GALNT17: variants seen among roughly 807,000 people sequenced by gnomAD.
The protein encoded by GALNT17 is polypeptide N-acetylgalactosaminyltransferase 17, also known as UDP-GalNAc:polypeptide N-acetylgalactosaminyltransferase-like 3.
Under a neutral mutation model 63.7 loss-of-function variants are expected in GALNT17, and 29 were observed. The observed-to-expected ratio is 0.46, with a 90% confidence interval of 0.34 to 0.62. The LOEUF (loss-of-function observed/expected upper bound fraction) is 0.62. Ranked by LOEUF, GALNT17 falls within the 20% of genes least tolerant of loss-of-function variation. The pLI, the probability that GALNT17 is intolerant of heterozygous loss-of-function variation, is 0.01. For missense variants in GALNT17, 603 were observed against 799.6 expected, an observed-to-expected ratio of 0.75 and a Z score of 2.97; for synonymous variants, 305 against 318.3, an observed-to-expected ratio of 0.96 and a Z score of 0.45.
intron 5 of GALNT17, among the ~76,000 whole-genome samples, chr7:71,442,952 T>A (rs1162450578): frequency 1.3e-5 from 2 of 152,110 alleles, no homozygotes; most frequent in Non-Finnish European, 2.9e-5. Context: ...TCTTAAGAAC[T>A]TCAACTTAAA....
At chr7:71,603,543 C>T (rs1789999302) in intron 6 of GALNT17, among the ~76,000 whole-genome samples, 2 of 152,006 alleles carry the variant, frequency 1.3e-5, no homozygotes, top group Non-Finnish European at 2.9e-5. Flanking sequence ...GGATACCATG[C>T]TAAGTGCATA....
intron 1 of GALNT17, among the ~76,000 whole-genome samples, chr7:71,311,579 T>C (rs1489016458): frequency 6.6e-6 from 1 of 152,152 alleles, no homozygotes; most frequent in Non-Finnish European, 1.5e-5. Context: ...GAAAAAGCTG[T>C]GGGGGATCCC....
chr7:71,329,681 G>A (rs768707706), intron 1 of GALNT17, among the ~76,000 whole-genome samples: 2 of 151,970 alleles, frequency 1.3e-5, no homozygotes, highest in African/African-American at 2.4e-5. Context: ...AGGGGGAAGT[G>A]CTACACACTT....
chr7:71,648,202 T>A (rs1161017738), intron 6 of GALNT17, among the ~76,000 whole-genome samples: 1 of 152,198 alleles, frequency 6.6e-6, no homozygotes, highest in African/African-American at 2.4e-5. Context: ...ATCATGTTAA[T>A]GAGTGTTCCA....
At chr7:71,487,876 C>G (rs1392039001) in intron 5 of GALNT17, among the ~76,000 whole-genome samples, 1 of 151,950 alleles carries the variant, frequency 6.6e-6, no homozygotes, top group East Asian at 1.9e-4. Context: ...CATCAAGATC[C>G]CAGTTTTGGA....
chr7:71,134,256 C>T (rs2116136156), intron 1 of GALNT17, among the ~76,000 whole-genome samples: 1 of 152,336 alleles, frequency 6.6e-6, no homozygotes, highest in African/African-American at 2.4e-5. Context: ...ACCTCTTAGG[C>T]TCAAACTTCT....
chr7:71,382,437 C>CGA (rs1792864257), intron 2 of GALNT17, among the ~76,000 whole-genome samples: 1 of 152,016 alleles, frequency 6.6e-6, no homozygotes, highest in Non-Finnish European at 1.5e-5. Context: ...GCCTGAAAGT[C>CGA]TAAGAGTAAG....
intron 1 of GALNT17, among the ~76,000 whole-genome samples, chr7:71,198,443 C>T (rs1221216778): frequency 3.3e-5 from 5 of 152,156 alleles, no homozygotes; most frequent in Admixed American, 3.3e-4. Flanking sequence ...TCTTTGCTGA[C>T]CTGGACTCTA....
At chr7:71,627,808 CG>C (rs1482657104) in intron 6 of GALNT17, among the ~76,000 whole-genome samples, 3 of 152,146 alleles carry the variant, frequency 2.0e-5, no homozygotes, top group African/African-American at 7.2e-5. Context: ...AATGCCCCCC[CG>C]CCCCATAGAC....
At chr7:71,485,585 C>G (rs867090518) in intron 5 of GALNT17, among the ~76,000 whole-genome samples, 4 of 152,212 alleles carry the variant, frequency 2.6e-5, no homozygotes, top group Non-Finnish European at 5.9e-5. Flanking sequence ...ACCTTTCACC[C>G]AGACACTCCC....
At chr7:71,693,309 C>CACATATATATAT (rs1554325721) in intron 9 of GALNT17, among the ~76,000 whole-genome samples, 3 of 124,158 alleles carry the variant, frequency 2.4e-5, no homozygotes, top group African/African-American at 8.8e-5. Flanking sequence ...CACACACACA[C>CACATATATATAT]ATATATATAT....
intron 5 of GALNT17, among the ~76,000 whole-genome samples, chr7:71,558,309 G>A (rs1789198192): frequency 6.6e-6 from 1 of 152,048 alleles, no homozygotes; most frequent in Non-Finnish European, 1.5e-5. Flanking sequence ...TAACATTAAT[G>A]AGTCTAGGTT....
intron 5 of GALNT17, among the ~76,000 whole-genome samples, chr7:71,423,960 G>A (rs1003509066): frequency 1.3e-5 from 2 of 152,022 alleles, no homozygotes; most frequent in Admixed American, 1.3e-4. Context: ...TGAAAAGTTC[G>A]TTATTTTTCT....
intron 6 of GALNT17, among the ~76,000 whole-genome samples, chr7:71,612,255 T>C (rs1187081734): frequency 6.6e-6 from 1 of 152,182 alleles, no homozygotes. Flanking sequence ...TGCATTTGGA[T>C]TCTATGCCTT....
At chr7:71,453,806 C>T (rs949098406) in intron 5 of GALNT17, among the ~76,000 whole-genome samples, 3 of 152,204 alleles carry the variant, frequency 2.0e-5, no homozygotes, top group South Asian at 4.1e-4. Context: ...TTCAGCACCA[C>T]CTTCTCTCCT....
At chr7:71,470,044 A>G (rs557382292) in intron 5 of GALNT17, among the ~76,000 whole-genome samples, 2 of 152,270 alleles carry the variant, frequency 1.3e-5, no homozygotes, top group South Asian at 2.1e-4. Flanking sequence ...CCCTGTCTCT[A>G]CTAAAAATAA....
At chr7:71,486,553 T>A (rs1787913095) in intron 5 of GALNT17, among the ~76,000 whole-genome samples, 1 of 151,628 alleles carries the variant, frequency 6.6e-6, no homozygotes, top group Non-Finnish European at 1.5e-5. Context: ...CTGTGACACA[T>A]GCCGAAGAGC....
chr7:71,427,454 T>G (rs999836083), intron 5 of GALNT17, among the ~76,000 whole-genome samples: 1 of 152,010 alleles, frequency 6.6e-6, no homozygotes, highest in African/African-American at 2.4e-5. Flanking sequence ...AGTATCCTTT[T>G]TTTGTTTTCA....
chr7:71,360,469 GTTATCAC>G (rs1423885128), intron 2 of GALNT17, among the ~76,000 whole-genome samples: 1 of 149,820 alleles, frequency 6.7e-6, no homozygotes, highest in African/African-American at 2.5e-5. Context: ...CCGAACTTCG[GTTATCAC>G]TTTAATTACT....
Sources: gnomAD v4.1 joint callset for allele counts (sites outside exome capture counted in the v4.1 genomes callset) on GRCh38, gnomAD v4.1.1 for gene constraint, MANE v1.5 for transcripts, NCBI Gene and HGNC (gene_info 2026-07-23, HGNC 2026-07-21) for gene names.